Variants in SPIDR observed in about 807,000 individuals in gnomAD.
SPIDR encodes the protein DNA repair-scaffolding protein.
In SPIDR, 93 loss-of-function variants were observed where a neutral mutation model predicts 104.6. That is an observed-to-expected ratio of 0.89 (90% CI 0.75 to 1.06). The LOEUF is 1.06. Among genes scored for constraint, SPIDR ranks in the 50% least tolerant of loss-of-function variants. The pLI, the probability that SPIDR is intolerant of heterozygous loss-of-function variation, is 0.00. For missense variants in SPIDR, 1,154 were observed against 1,111.2 expected, an observed-to-expected ratio of 1.04 and a Z score of -0.55; for synonymous variants, 431 against 416.9, an observed-to-expected ratio of 1.03 and a Z score of -0.41.
At chr8:47,606,512 C>T (rs1192494934) in intron 10 of SPIDR, among the ~76,000 whole-genome samples, 2 of 151,944 alleles carry the variant, frequency 1.3e-5, no homozygotes, top group South Asian at 2.1e-4. Context: ...GGCAACAGAG[C>T]GAGACTCCAT....
rs547881585 is a variant in SPIDR at position 47,447,414 on chromosome 8, A to G, written c.1097+6872A>G. ...TTTTTAGTAGAGATGGGGTTTCACC[A>G]TGTTGGCCAGGCTGGTGTCGAACTC... is the stretch of plus-strand genomic sequence containing the variant. On this transcript the variant is annotated intron_variant, in intron 8 of 19. Coordinates refer to ENST00000297423, the MANE Select transcript of SPIDR (RefSeq NM_001080394.4). 1.9e-4 allele frequency among the ~76,000 whole-genome samples: 29 copies of G among 152,062 alleles called. No homozygotes were observed. In the South Asian group the frequency reaches 3.5e-3, roughly 19 times the overall value.
chr8:47,612,884 T>G (rs989873747), intron 10 of SPIDR, among the ~76,000 whole-genome samples: 4 of 152,224 alleles, frequency 2.6e-5, no homozygotes, highest in South Asian at 2.1e-4. Context: ...AGAGACTGTT[T>G]CCAGTCACTG....
At chr8:47,307,507 C>CCG (rs2043288759) in intron 5 of SPIDR, among the ~76,000 whole-genome samples, 1 of 150,550 alleles carries the variant, frequency 6.6e-6, no homozygotes, top group Admixed American at 6.6e-5. Context: ...GTGTGAGCCA[C>CCG]CGCACCCAGC....
intron 8 of SPIDR, among the ~76,000 whole-genome samples, chr8:47,541,742 C>T (rs1452315705): frequency 2.6e-5 from 4 of 151,900 alleles, no homozygotes; most frequent in Non-Finnish European, 5.9e-5. Flanking sequence ...ACTAAAAATA[C>T]AAAAAAATTA....
intron 7 of SPIDR, among the ~76,000 whole-genome samples, chr8:47,415,783 T>A (rs1227609736): frequency 5.3e-5 from 8 of 152,174 alleles, no homozygotes; most frequent in Admixed American, 4.6e-4. Flanking sequence ...GTTTTTTTGT[T>A]GTAACAGCCA....
rs574370295 is a variant in SPIDR, at chr8:47,673,354, A to G, written c.1545-447A>G. On this transcript the variant is annotated intron_variant, in intron 10 of 19. Transcript: ENST00000297423. Reference sequence around the variant, plus strand: ...GCCTCTTATTGTTGTTCTTATCGTAATGTTATCCTGCAGCTTTTCTCAGTA... The same window carrying G: ...GCCTCTTATTGTTGTTCTTATCGTAGTGTTATCCTGCAGCTTTTCTCAGTA... 2.6e-5 allele frequency: 12 copies of G among 454,904 alleles called. No homozygotes were observed. In the East Asian group the frequency reaches 8.3e-4, roughly 32 times the overall value. 28.2% of individuals were successfully genotyped at this position (454,904 alleles called of 1,614,324 possible).
intron 5 of SPIDR, among the ~76,000 whole-genome samples, chr8:47,389,150 T>C (rs1328484180): frequency 1.3e-5 from 2 of 152,220 alleles, no homozygotes; most frequent in African/African-American, 4.8e-5. Flanking sequence ...CATTTGACCA[T>C]TGCAGATGTT....
chr8:47,524,558 G>A (rs1234837118), intron 8 of SPIDR, among the ~76,000 whole-genome samples: 2 of 152,182 alleles, frequency 1.3e-5, no homozygotes, highest in Non-Finnish European at 1.5e-5. Flanking sequence ...CCTCAGAGCC[G>A]TGGGACAACC....
At chr8:47,677,568 G>T (rs1277705476) in intron 11 of SPIDR, among the ~76,000 whole-genome samples, 1 of 152,188 alleles carries the variant, frequency 6.6e-6, no homozygotes, top group Admixed American at 6.5e-5. Flanking sequence ...TACTGGAGAA[G>T]CTCTTACTGA....
At chr8:47,372,196 AG>A (rs1370457907) in intron 5 of SPIDR, among the ~76,000 whole-genome samples, 1 of 152,100 alleles carries the variant, frequency 6.6e-6, no homozygotes, top group East Asian at 1.9e-4. Flanking sequence ...CTGTACTTTG[AG>A]TTTCTGAGGT....
At chr8:47,334,237 A>G (rs2049289003) in intron 5 of SPIDR, among the ~76,000 whole-genome samples, 1 of 152,170 alleles carries the variant, frequency 6.6e-6, no homozygotes, top group Non-Finnish European at 1.5e-5. Context: ...GAGGATATGT[A>G]TTCTGCTATT....
intron 5 of SPIDR, among the ~76,000 whole-genome samples, chr8:47,321,738 G>T (rs546576569): frequency 6.6e-6 from 1 of 152,102 alleles, no homozygotes; most frequent in Non-Finnish European, 1.5e-5. Context: ...TACTGGTACC[G>T]AAACAGAGAT....
intron 8 of SPIDR, among the ~76,000 whole-genome samples, chr8:47,452,976 C>T (rs2072144447): frequency 1.3e-5 from 2 of 152,082 alleles, no homozygotes; most frequent in African/African-American, 4.8e-5. Context: ...TCATCGCAGC[C>T]CAAGATCTCC....
intron 7 of SPIDR, among the ~76,000 whole-genome samples, chr8:47,409,190 G>C (rs1270627131): frequency 6.6e-6 from 1 of 151,650 alleles, no homozygotes; most frequent in South Asian, 2.1e-4. Flanking sequence ...GTCTCAAAAA[G>C]AAAAGAAAAA....
At chr8:47,524,838 C>T (rs1414962456) in intron 8 of SPIDR, among the ~76,000 whole-genome samples, 2 of 152,062 alleles carry the variant, frequency 1.3e-5, no homozygotes, top group Non-Finnish European at 2.9e-5. Context: ...AAGAGTGGAG[C>T]TAACACTTTG....
chr8:47,400,435 A>G (rs1396718880), intron 6 of SPIDR, among the ~76,000 whole-genome samples: 2 of 152,228 alleles, frequency 1.3e-5, no homozygotes, highest in Non-Finnish European at 2.9e-5. Context: ...CAGGTCTTCA[A>G]ACTGGAAGAC....
intron 8 of SPIDR, chr8:47,547,055 G>T (rs1564291752): frequency 3.8e-6 from 2 of 519,808 alleles, no homozygotes; most frequent in East Asian, 9.6e-5. Flanking sequence ...CCATCCACAG[G>T]TTACCAGTGT....
intron 7 of SPIDR, among the ~76,000 whole-genome samples, chr8:47,429,378 A>T (rs1554687455): frequency 6.6e-6 from 1 of 152,004 alleles, no homozygotes; most frequent in Admixed American, 6.6e-5. Context: ...CTCCGTGTGC[A>T]CAGCACGCAA....
intron 8 of SPIDR, among the ~76,000 whole-genome samples, chr8:47,522,536 T>A (rs189665963): frequency 1.3e-5 from 2 of 152,264 alleles, no homozygotes; most frequent in East Asian, 3.9e-4. Context: ...TATGTCCCGG[T>A]TACCAGCATG....
Sources: gnomAD v4.1 joint callset for allele counts (sites outside exome capture counted in the v4.1 genomes callset) on GRCh38, gnomAD v4.1.1 for gene constraint, MANE v1.5 for transcripts, NCBI Gene and HGNC (gene_info 2026-07-23, HGNC 2026-07-21) for gene names.